The following OXCT1 variants were observed in gnomAD, a reference collection of about 807,000 sequenced individuals.
OXCT1 encodes succinyl-CoA:3-ketoacid coenzyme A transferase 1, mitochondrial.
OXCT1 carries 27 observed loss-of-function variants against 69.6 expected under a neutral mutation model. The observed-to-expected ratio is 0.39, with a 90% confidence interval of 0.29 to 0.54. The LOEUF is 0.54. Among genes scored for constraint, OXCT1 ranks in the 20% least tolerant of loss-of-function variants. The probability of loss-of-function intolerance (pLI) is 0.72; values close to 1 mark genes in which losing one functional copy is unlikely to be tolerated. For synonymous variants in OXCT1, 202 were observed against 217.8 expected, an observed-to-expected ratio of 0.93 and a Z score of 0.64; for missense variants, 437 against 650.2, an observed-to-expected ratio of 0.67 and a Z score of 3.57.
chr5:41,730,889 A>G lies in OXCT1; in HGVS notation c.*840T>C, dbSNP rs1294295546. 1 of 152,186 alleles carries G rather than the reference A, an allele frequency of 6.6e-6. No homozygotes were observed. Among genetic ancestry groups the G allele is most frequent in the Non-Finnish European group, 1.5e-5 (1 of 68,036 alleles). 9.4% of individuals were successfully genotyped at this position (152,186 alleles called of 1,614,324 possible). A position where few individuals can be genotyped will look rare whatever the true frequency, so the allele number is the denominator to read the frequency against. On this transcript the variant is annotated 3_prime_UTR_variant, in exon 17 of 17. Transcript: ENST00000196371. ...AGAGCCTGAAAGTAAAACACCTTTT[A>G]TTTTTTAACTCTGCTGTCATTGCTA...
In OXCT1 at chr5:41,813,107, G is replaced by A. The variant is rs564091264; in HGVS notation, c.733-5669C>T. Among the ~76,000 whole-genome samples the A allele has an allele frequency of 3.9e-5, 6 of 152,142 alleles. No individual in the cohort carries two copies. The South Asian group carries it at 1.2e-3, about 32-fold the overall frequency. On this transcript the variant is annotated intron_variant, in intron 7 of 16. Coordinates refer to ENST00000196371, the MANE Select transcript of OXCT1 (RefSeq NM_000436.4). ...ATCAGGCTAGAACATAAGTGGGCCA[G>A]GAAAAAAGCACAGTGTGTAGTTTCA...
At chr5:41,839,473 C>G (rs1748528311) in intron 7 of OXCT1, among the ~76,000 whole-genome samples, 2 of 152,128 alleles carry the variant, frequency 1.3e-5, no homozygotes, top group Admixed American at 1.3e-4. Context: ...AAGTGTAAGC[C>G]ACACTATCCA....
chr5:41,767,670 C>T (rs1744670973), intron 13 of OXCT1, among the ~76,000 whole-genome samples: 1 of 143,838 alleles, frequency 7.0e-6, no homozygotes, highest in South Asian at 2.2e-4. Context: ...ATTGAGTAGA[C>T]ACCTTGTGGT....
At chr5:41,814,782 G>A (rs1005726095) in intron 7 of OXCT1, among the ~76,000 whole-genome samples, 4 of 150,684 alleles carry the variant, frequency 2.7e-5, no homozygotes, top group Middle Eastern at 3.2e-3. Context: ...GCTAGATGAC[G>A]AGTTAGTGGG....
intron 15 of OXCT1, among the ~76,000 whole-genome samples, chr5:41,747,871 A>G (rs940961578): frequency 3.9e-5 from 6 of 152,100 alleles, no homozygotes; most frequent in African/African-American, 1.4e-4. Flanking sequence ...ACTGCTGGGC[A>G]GCTTTTCTCT....
intron 16 of OXCT1, among the ~76,000 whole-genome samples, chr5:41,737,687 T>C (rs1439842770): frequency 6.6e-6 from 1 of 152,150 alleles, no homozygotes; most frequent in Admixed American, 6.5e-5. Flanking sequence ...AAAAAGTTAA[T>C]AGACAAAGAC....
intron 14 of OXCT1, among the ~76,000 whole-genome samples, chr5:41,757,372 T>C (rs925233449): frequency 6.6e-6 from 1 of 152,024 alleles, no homozygotes; most frequent in African/African-American, 2.4e-5. Flanking sequence ...GGAAGCCTCT[T>C]TGTTGCTCCC....
chr5:41,789,178 C>T (rs906590966), intron 13 of OXCT1, among the ~76,000 whole-genome samples: 8 of 152,154 alleles, frequency 5.3e-5, no homozygotes, highest in African/African-American at 1.2e-4. Flanking sequence ...AAGGGCCAAA[C>T]GGTAAATATT....
chr5:41,823,734 A>G (rs1430714348), intron 7 of OXCT1, among the ~76,000 whole-genome samples: 1 of 152,234 alleles, frequency 6.6e-6, no homozygotes, highest in Non-Finnish European at 1.5e-5. Context: ...AATCATTACC[A>G]GTAGTTACTA....
At chr5:41,848,665 G>C (rs1267550246) in intron 5 of OXCT1, among the ~76,000 whole-genome samples, 3 of 151,470 alleles carry the variant, frequency 2.0e-5, no homozygotes, top group African/African-American at 7.3e-5. Flanking sequence ...ACAAACCTGA[G>C]AAAAACAAGC....
chr5:41,767,722 G>GTATATATATATA lies in OXCT1; in HGVS notation c.1249-5534_1249-5523dup, dbSNP rs367584226. Among the ~76,000 whole-genome samples, 569 of 89,810 alleles carry GTATATATATATA rather than the reference G, an allele frequency of 6.3e-3. 11 individuals are homozygous for GTATATATATATA. Among genetic ancestry groups the GTATATATATATA allele is most frequent in the African/African-American group, 0.024 (444 of 18,466 alleles). 58.9% of individuals were successfully genotyped at this position (89,810 alleles called of 152,430 possible). ...TCTAGTATCTAATATATATGTGTGT[G>GTATATATATATA]TATATATATATATATATATATATAT... On this transcript the variant is annotated intron_variant, in intron 13 of 16. Transcript: ENST00000196371.
chr5:41,733,055 G>C (rs1742713358), intron 16 of OXCT1, among the ~76,000 whole-genome samples: 1 of 152,082 alleles, frequency 6.6e-6, no homozygotes, highest in African/African-American at 2.4e-5. Context: ...AACGCATTAT[G>C]ACTTATTTCT....
At chr5:41,834,408 G>C (rs1457736191) in intron 7 of OXCT1, among the ~76,000 whole-genome samples, 2 of 145,628 alleles carry the variant, frequency 1.4e-5, no homozygotes, top group African/African-American at 5.1e-5. Context: ...GTCTACAAGA[G>C]ACATGGTTCA....
chr5:41,835,153 C>T (rs1387035913), intron 7 of OXCT1, among the ~76,000 whole-genome samples: 1 of 152,094 alleles, frequency 6.6e-6, no homozygotes. Flanking sequence ...GACATTAAAA[C>T]TCATAAGAAA....
intron 4 of OXCT1, among the ~76,000 whole-genome samples, chr5:41,853,132 C>T: frequency 6.6e-6 from 1 of 152,014 alleles, no homozygotes; most frequent in East Asian, 1.9e-4. Flanking sequence ...TCAAACATTC[C>T]AGCAAATCCT....
chr5:41,832,662 A>T (rs1748153710), intron 7 of OXCT1, among the ~76,000 whole-genome samples: 1 of 152,110 alleles, frequency 6.6e-6, no homozygotes, highest in Non-Finnish European at 1.5e-5. Context: ...ACCTCACCAA[A>T]CAAAATAAGG....
chr5:41,739,736 TG>T, intron 15 of OXCT1: 1 of 376,644 alleles, frequency 2.7e-6, no homozygotes, highest in Non-Finnish European at 5.1e-6. Flanking sequence ...CTGGGCATGG[TG>T]GCAGGCACCT....
intron 8 of OXCT1, among the ~76,000 whole-genome samples, 200 bp from the exon 9 acceptor site, chr5:41,805,881 G>T (rs1219093079): frequency 6.6e-6 from 1 of 152,056 alleles, no homozygotes; most frequent in African/African-American, 2.4e-5. Context: ...AATGAAAGTG[G>T]TCAGATTTGT....
intron 7 of OXCT1, among the ~76,000 whole-genome samples, chr5:41,829,353 A>C (rs1747981049): frequency 6.6e-6 from 1 of 152,180 alleles, no homozygotes; most frequent in Non-Finnish European, 1.5e-5. Context: ...AATAGCTAGG[A>C]TAAAATTCAC....
Sources: gnomAD v4.1 joint callset for allele counts (sites outside exome capture counted in the v4.1 genomes callset) on GRCh38, gnomAD v4.1.1 for gene constraint, MANE v1.5 for transcripts, NCBI Gene and HGNC (gene_info 2026-07-23, HGNC 2026-07-21) for gene names.